Variants in MKLN1 observed in about 807,000 individuals in gnomAD.
MKLN1 encodes the protein muskelin 1.
MKLN1 carries 18 observed loss-of-function variants against 99.0 expected under a neutral mutation model. The observed-to-expected ratio is 0.18, with a 90% CI of 0.13 to 0.27. The LOEUF is 0.27. Ranked by LOEUF, MKLN1 falls within the 10% of genes least tolerant of loss-of-function variation. The pLI is 1.00. For missense variants in MKLN1, 621 were observed against 875.9 expected, an observed-to-expected ratio of 0.71 and a Z score of 3.67; for synonymous variants, 288 against 293.2, an observed-to-expected ratio of 0.98 and a Z score of 0.18.
At chr7:131,130,988 G>A (rs1274175569) in intron 1 of MKLN1, among the ~76,000 whole-genome samples, 2 of 145,110 alleles carry the variant, frequency 1.4e-5, no homozygotes, top group African/African-American at 5.1e-5. Context: ...GGAAGTTGAA[G>A]CTGCAGTGAG....
intron 6 of MKLN1, among the ~76,000 whole-genome samples, chr7:131,410,410 T>G (rs1256386631): frequency 3.3e-5 from 5 of 152,214 alleles, no homozygotes; most frequent in African/African-American, 7.2e-5. Context: ...CAGCATAAAT[T>G]CTAACATTTG....
At chr7:131,301,433 G>T (rs1427896689) in intron 3 of MKLN1, among the ~76,000 whole-genome samples, 1 of 152,126 alleles carries the variant, frequency 6.6e-6, no homozygotes, top group Admixed American at 6.6e-5. Flanking sequence ...GAACTCTGCA[G>T]GAAGAAAAGA....
chr7:131,408,532 T>A (rs1794776939), intron 6 of MKLN1, among the ~76,000 whole-genome samples: 1 of 152,142 alleles, frequency 6.6e-6, no homozygotes, highest in Non-Finnish European at 1.5e-5. Context: ...ATTTTTTTGG[T>A]TTTGTTTTCT....
intron 1 of MKLN1, among the ~76,000 whole-genome samples, chr7:131,373,609 T>A (rs1015773021): frequency 2.0e-5 from 3 of 152,206 alleles, no homozygotes; most frequent in African/African-American, 7.2e-5. Flanking sequence ...TTTGCCAGTA[T>A]AGATCTAACT....
chr7:131,288,822 C>T lies in MKLN1; in HGVS notation c.-179+85848C>T, dbSNP rs547380147. 1.0e-3 allele frequency among the ~76,000 whole-genome samples: 152 copies of T among 152,216 alleles called. 1 individual carries two copies. Among genetic ancestry groups the T allele is most frequent in the African/African-American group, 3.6e-3 (149 of 41,514 alleles). On this transcript the variant is annotated intron_variant, in intron 3 of 7. Transcript: ENST00000416992. ...CTGCATGCTTTTTGCTGCCACATGA[C>T]CTCAGCTTTCTTCCTTCTCTCTGTG... is the stretch of plus-strand genomic sequence containing the variant.
At chr7:131,409,734 C>T (rs1339391176) in intron 6 of MKLN1, among the ~76,000 whole-genome samples, 1 of 152,052 alleles carries the variant, frequency 6.6e-6, no homozygotes, top group Non-Finnish European at 1.5e-5. Context: ...AAATTATGAT[C>T]TATTTGGGTG....
chr7:131,203,638 G>A (rs879379511), intron 3 of MKLN1, among the ~76,000 whole-genome samples: 3 of 152,196 alleles, frequency 2.0e-5, no homozygotes, highest in Non-Finnish European at 2.9e-5. Flanking sequence ...AACTGATTGG[G>A]CCAGAAAATT....
At chr7:131,466,733 G>A (rs976361570) in intron 15 of MKLN1, among the ~76,000 whole-genome samples, 3 of 152,072 alleles carry the variant, frequency 2.0e-5, no homozygotes, top group Admixed American at 6.5e-5. Context: ...TTAATGACAC[G>A]TGCCTGAGCT....
chr7:131,332,637 T>TTTTACTGTAGATGTATGTATTTTTCAA (rs1799112321), intron 1 of MKLN1, among the ~76,000 whole-genome samples: 1 of 151,976 alleles, frequency 6.6e-6, no homozygotes, highest in Non-Finnish European at 1.5e-5. Context: ...ATTCCAGATC[T>TTTTACTGTAGATGTATGTATTTTTCAA]TTTACTGTAG....
chr7:131,242,704 A>C, intron 3 of MKLN1: 1 of 672,698 alleles, frequency 1.5e-6, no homozygotes. Context: ...GATCGCCCCT[A>C]CAGCCATGCT....
At chr7:131,324,499 T>C (rs1248978319), upstream of MKLN1, 2 of 152,190 alleles carry the variant, frequency 1.3e-5, no homozygotes, top group African/African-American at 4.8e-5. Context: ...GACTGCAACC[T>C]GGGAACATAG....
At chr7:131,168,678 C>T (rs1322951839) in intron 2 of MKLN1, among the ~76,000 whole-genome samples, 1 of 151,842 alleles carries the variant, frequency 6.6e-6, no homozygotes, top group Non-Finnish European at 1.5e-5. Context: ...TACTAAGTGC[C>T]AGTTAAGCCT....
At chr7:131,192,969 T>C (rs918511697) in intron 2 of MKLN1, among the ~76,000 whole-genome samples, 1 of 152,322 alleles carries the variant, frequency 6.6e-6, no homozygotes, top group African/African-American at 2.4e-5. Context: ...AGGGATATTA[T>C]GAAAATGTGA....
intron 1 of MKLN1, among the ~76,000 whole-genome samples, chr7:131,355,400 CAGG>C (rs1327703502): frequency 1.1e-4 from 17 of 151,860 alleles, no homozygotes; most frequent in Admixed American, 2.0e-4. Context: ...TCTTTTTATG[CAGG>C]AACATGGCAT....
At chr7:131,220,344 T>C (rs1209329882) in intron 3 of MKLN1, among the ~76,000 whole-genome samples, 1 of 152,218 alleles carries the variant, frequency 6.6e-6, no homozygotes, top group Non-Finnish European at 1.5e-5. Context: ...TTTTTTTCTG[T>C]AACCTCAAGA....
At chr7:131,449,314 T>C (rs1208202712) in intron 12 of MKLN1, among the ~76,000 whole-genome samples, 1 of 152,236 alleles carries the variant, frequency 6.6e-6, no homozygotes, top group South Asian at 2.1e-4. Flanking sequence ...TCAGAGTATT[T>C]AGTGCCTTGT....
intron 7 of MKLN1, among the ~76,000 whole-genome samples, chr7:131,412,191 T>G (rs1047100628): frequency 1.3e-5 from 2 of 152,144 alleles, no homozygotes; most frequent in South Asian, 4.1e-4. Context: ...ATATTAAAAT[T>G]TTCTTTTTAA....
chr7:131,470,802 C>A, intron 15 of MKLN1, 40 bp from the exon 16 acceptor site: 1 of 1,289,728 alleles, frequency 7.8e-7, no homozygotes, highest in Non-Finnish European at 1.1e-6. Flanking sequence ...CTGATATTTT[C>A]TCATAACTCC....
chr7:131,484,215 AAAAAT>A (rs1412715937), intron 17 of MKLN1, among the ~76,000 whole-genome samples: 1 of 152,182 alleles, frequency 6.6e-6, no homozygotes, highest in Non-Finnish European at 1.5e-5. Context: ...AATAGTAAAT[AAAAAT>A]AAAAGATGTG....
Sources: gnomAD v4.1 joint callset for allele counts (sites outside exome capture counted in the v4.1 genomes callset) on GRCh38, gnomAD v4.1.1 for gene constraint, MANE v1.5 for transcripts, NCBI Gene and HGNC (gene_info 2026-07-23, HGNC 2026-07-21) for gene names.